The following PLPP3 variants were observed in gnomAD, a reference collection of about 807,000 sequenced individuals.
PLPP3 encodes phospholipid phosphatase 3.
Under a neutral mutation model 29.6 loss-of-function variants are expected in PLPP3, and 6 were observed. The observed-to-expected ratio is 0.20, with a 90% CI of 0.11 to 0.40. The LOEUF is 0.40. Ranked by LOEUF, PLPP3 falls within the 10% of genes least tolerant of loss-of-function variation. The probability of loss-of-function intolerance (pLI) is 1.00; values close to 1 mark genes in which losing one functional copy is unlikely to be tolerated. For synonymous variants in PLPP3, 152 were observed against 159.7 expected (o/e 0.95, Z 0.36); for missense variants, 308 against 407.7 (o/e 0.76, Z 2.11).
intron 2 of PLPP3, among the ~76,000 whole-genome samples, chr1:56,529,666 G>A (rs914790998): frequency 6.6e-6 from 1 of 152,146 alleles, no homozygotes; most frequent in African/African-American, 2.4e-5. Flanking sequence ...TCCATCTACT[G>A]CAATAAAGTG....
At chr1:56,550,954 G>A (rs1646034038) in intron 1 of PLPP3, among the ~76,000 whole-genome samples, 1 of 152,076 alleles carries the variant, frequency 6.6e-6, no homozygotes, top group Non-Finnish European at 1.5e-5. Context: ...GGAGAGCAAG[G>A]CCCCCGGAAT....
At chr1:56,539,908 A>G (rs898026797) in intron 1 of PLPP3, among the ~76,000 whole-genome samples, 1 of 152,202 alleles carries the variant, frequency 6.6e-6, no homozygotes, top group Admixed American at 6.5e-5. Flanking sequence ...TCTGGTGCCT[A>G]GGAGCCAAAG....
At chr1:56,497,697 T>C (rs75576317) in intron 5 of PLPP3, among the ~76,000 whole-genome samples, 6,262 of 152,312 alleles carry the variant, frequency 0.041, 163 homozygotes, top group South Asian at 0.089. Flanking sequence ...GACAGCACTG[T>C]GGTTTCACTC....
intron 5 of PLPP3, among the ~76,000 whole-genome samples, chr1:56,507,070 A>C (rs182399165): frequency 3.9e-5 from 6 of 152,302 alleles, no homozygotes; most frequent in Non-Finnish European, 5.9e-5. Flanking sequence ...TAAGCAATGG[A>C]GGAGGAAACC....
intron 1 of PLPP3, among the ~76,000 whole-genome samples, chr1:56,574,143 C>T (rs1035210710): frequency 2.7e-5 from 4 of 150,002 alleles, no homozygotes; most frequent in East Asian, 3.9e-4. Context: ...GAGGTTGCAG[C>T]GAGCCAAGAT....
chr1:56,565,232 A>G (rs1256213078), intron 1 of PLPP3, among the ~76,000 whole-genome samples: 1 of 152,192 alleles, frequency 6.6e-6, no homozygotes, highest in Non-Finnish European at 1.5e-5. Context: ...TAGAAGTTCC[A>G]TGTACTGCAT....
chr1:56,552,985 T>A (rs1646050784), intron 1 of PLPP3, among the ~76,000 whole-genome samples: 1 of 152,110 alleles, frequency 6.6e-6, no homozygotes, highest in South Asian at 2.1e-4. Flanking sequence ...TGAGCCTGTA[T>A]TAGAGAGAAG....
At chr1:56,554,741 G>C (rs1349754783) in intron 1 of PLPP3, among the ~76,000 whole-genome samples, 1 of 152,092 alleles carries the variant, frequency 6.6e-6, no homozygotes, top group Non-Finnish European at 1.5e-5. Context: ...AAGCAGGCAA[G>C]GGAAACAGCC....
At chr1:56,506,525 C>T (rs1312708882) in intron 5 of PLPP3, among the ~76,000 whole-genome samples, 2 of 152,180 alleles carry the variant, frequency 1.3e-5, no homozygotes, top group Admixed American at 1.3e-4. Flanking sequence ...TGTGTATTTA[C>T]GAAATCCATG....
At chr1:56,568,228 A>C (rs1415778440) in intron 1 of PLPP3, among the ~76,000 whole-genome samples, 1 of 152,094 alleles carries the variant, frequency 6.6e-6, no homozygotes, top group Non-Finnish European at 1.5e-5. Context: ...GTGATAGTTT[A>C]CCTAACCGTG....
At chr1:56,526,148 C>T (rs1178246246) in intron 2 of PLPP3, among the ~76,000 whole-genome samples, 2 of 152,140 alleles carry the variant, frequency 1.3e-5, no homozygotes, top group Admixed American at 6.5e-5. Context: ...TAGCCGTTTC[C>T]TGAGAGAGCA....
Position 56,579,119 on chromosome 1 carries a change from T to C in PLPP3, c.-103A>G, listed in dbSNP as rs967474991. The C allele has an allele frequency of 8.1e-6, 12 of 1,473,124 alleles. No homozygotes were observed. The South Asian group carries it at 1.1e-4, about 14-fold the overall frequency. 91.3% of individuals were successfully genotyped at this position (1,473,124 alleles called of 1,614,324 possible). A position where few individuals can be genotyped will look rare whatever the true frequency, so the allele number is the denominator to read the frequency against. ...GCCTCCTGGCCGAGGCTGCTGCGGA[T>C]AGTGGCGGGTCGGCCCCGGCTCCGG... On this transcript the variant is annotated 5_prime_UTR_variant, in exon 1 of 6. Coordinates refer to ENST00000371250, the MANE Select transcript of PLPP3 (RefSeq NM_003713.5).
At chr1:56,533,013 G>A (rs1261226770) in intron 2 of PLPP3, among the ~76,000 whole-genome samples, 1 of 151,846 alleles carries the variant, frequency 6.6e-6, no homozygotes, top group Non-Finnish European at 1.5e-5. Flanking sequence ...GTGCCCAGAG[G>A]AAAAGACCTG....
At chr1:56,560,140 A>G (rs1002255772) in intron 1 of PLPP3, among the ~76,000 whole-genome samples, 17 of 152,180 alleles carry the variant, frequency 1.1e-4, no homozygotes, top group African/African-American at 4.1e-4. Context: ...CACCTGCCCA[A>G]CATCTACTCC....
intron 4 of PLPP3, among the ~76,000 whole-genome samples, chr1:56,523,253 G>A (rs936746153): frequency 3.3e-5 from 5 of 152,112 alleles, no homozygotes; most frequent in Admixed American, 1.3e-4. Context: ...CCTTCCATCC[G>A]TAGAATATAG....
intron 1 of PLPP3, among the ~76,000 whole-genome samples, chr1:56,551,823 C>T (rs774422874): frequency 6.6e-6 from 1 of 152,132 alleles, no homozygotes; most frequent in Non-Finnish European, 1.5e-5. Context: ...CCTCACAAAA[C>T]CTAGGCTGGG....
intron 4 of PLPP3, among the ~76,000 whole-genome samples, chr1:56,520,467 A>G (rs922658905): frequency 3.9e-5 from 6 of 152,244 alleles, no homozygotes; most frequent in East Asian, 3.9e-4. Context: ...GCAGCTCAAC[A>G]TAAAAGCCCT....
intron 5 of PLPP3, among the ~76,000 whole-genome samples, chr1:56,504,204 C>T (rs1388247745): frequency 1.3e-5 from 2 of 152,162 alleles, no homozygotes; most frequent in Non-Finnish European, 2.9e-5. Flanking sequence ...CTGCTGTGTG[C>T]CTGTGGTCCC....
At chr1:56,540,346 A>T (rs531404992) in intron 1 of PLPP3, among the ~76,000 whole-genome samples, 1 of 152,322 alleles carries the variant, frequency 6.6e-6, no homozygotes, top group South Asian at 2.1e-4. Context: ...CATATCATCA[A>T]AATCAGTTGA....
Sources: gnomAD v4.1 joint callset for allele counts (sites outside exome capture counted in the v4.1 genomes callset) on GRCh38, gnomAD v4.1.1 for gene constraint, MANE v1.5 for transcripts, NCBI Gene and HGNC (gene_info 2026-07-23, HGNC 2026-07-21) for gene names.